The following RSRC1 variants were observed in gnomAD, a reference collection of about 807,000 sequenced individuals.
RSRC1 encodes serine/Arginine-related protein 53.
Under a neutral mutation model 49.1 loss-of-function variants are expected in RSRC1, and 39 were observed. The observed-to-expected ratio is 0.79, with a 90% confidence interval of 0.61 to 1.04. The LOEUF is 1.04. RSRC1 is among the 50% of genes least tolerant of loss of function. The pLI, the probability that RSRC1 is intolerant of heterozygous loss-of-function variation, is 0.00. For missense variants in RSRC1, 388 were observed against 402.4 expected, an observed-to-expected ratio of 0.96 and a Z score of 0.31; for synonymous variants, 143 against 130.8, an observed-to-expected ratio of 1.09 and a Z score of -0.63.
At chr3:158,214,452 A>AT (rs560905731) in intron 4 of RSRC1, among the ~76,000 whole-genome samples, 2 of 150,338 alleles carry the variant, frequency 1.3e-5, no homozygotes, top group Non-Finnish European at 3.0e-5. Flanking sequence ...GTTCTTTATT[A>AT]TTTTTTTTCT....
chr3:158,128,351 C>T (rs7647342), intron 3 of RSRC1, among the ~76,000 whole-genome samples: 108,251 of 152,118 alleles, frequency 0.71, 39,258 homozygotes, highest in African/African-American at 0.83. Flanking sequence ...TGCGCTTGCC[C>T]GGAGTACTGC....
At chr3:158,160,733 T>C (rs539561657) in intron 3 of RSRC1, among the ~76,000 whole-genome samples, 1 of 152,352 alleles carries the variant, frequency 6.6e-6, no homozygotes, top group South Asian at 2.1e-4. Context: ...TTGGAAATTT[T>C]CTTAAATAGC....
chr3:158,180,308 CT>C (rs906055566), intron 3 of RSRC1, among the ~76,000 whole-genome samples: 54 of 137,180 alleles, frequency 3.9e-4, no homozygotes, highest in African/African-American at 1.5e-3. Context: ...CTTTCTAGAA[CT>C]TTTATGGTTT....
chr3:158,491,625 T>C (rs1292208345), intron 7 of RSRC1, among the ~76,000 whole-genome samples: 7 of 151,900 alleles, frequency 4.6e-5, no homozygotes, highest in Non-Finnish European at 7.4e-5. Context: ...TTTAGTTAAA[T>C]TAAGTTAGCC....
intron 6 of RSRC1, among the ~76,000 whole-genome samples, chr3:158,390,421 C>A (rs1238982412): frequency 6.6e-6 from 1 of 151,976 alleles, no homozygotes; most frequent in Admixed American, 6.6e-5. Context: ...TATGTCCTGG[C>A]AGTTATATAT....
chr3:158,493,695 A>G (rs986111199), intron 7 of RSRC1, among the ~76,000 whole-genome samples: 1 of 152,202 alleles, frequency 6.6e-6, no homozygotes, highest in African/African-American at 2.4e-5. Flanking sequence ...TGAGGTACAG[A>G]AACAGCCTGA....
intron 5 of RSRC1, among the ~76,000 whole-genome samples, chr3:158,350,928 G>A (rs896061844): frequency 1.3e-5 from 2 of 152,086 alleles, no homozygotes; most frequent in Admixed American, 1.3e-4. Flanking sequence ...AAGCCAGCTA[G>A]TGTGATGATA....
At chr3:158,379,443 G>A (rs934719958) in intron 6 of RSRC1, among the ~76,000 whole-genome samples, 1 of 151,842 alleles carries the variant, frequency 6.6e-6, no homozygotes, top group Non-Finnish European at 1.5e-5. Flanking sequence ...CTCGTGATCC[G>A]CCTGCCTTGG....
At chr3:158,173,464 T>C (rs993765880) in intron 3 of RSRC1, among the ~76,000 whole-genome samples, 30 of 152,170 alleles carry the variant, frequency 2.0e-4, no homozygotes, top group African/African-American at 7.0e-4. Context: ...TCTTCTATTG[T>C]CTATAAAACC....
chr3:158,432,364 T>C (rs1250476426), intron 6 of RSRC1, among the ~76,000 whole-genome samples: 1 of 151,920 alleles, frequency 6.6e-6, no homozygotes, highest in African/African-American at 2.4e-5. Flanking sequence ...AGAAAGGCAG[T>C]CTTAATACAG....
At chr3:158,439,987 G>A (rs1306682114) in intron 6 of RSRC1, among the ~76,000 whole-genome samples, 2 of 151,774 alleles carry the variant, frequency 1.3e-5, no homozygotes, top group African/African-American at 4.8e-5. Context: ...GCAAGGGGAG[G>A]GAGAGCACTG....
intron 4 of RSRC1, among the ~76,000 whole-genome samples, chr3:158,218,128 T>C (rs928961208): frequency 6.6e-6 from 1 of 151,596 alleles, no homozygotes; most frequent in African/African-American, 2.4e-5. Context: ...ATGCAGGGCC[T>C]TGTAAACCTG....
intron 6 of RSRC1, among the ~76,000 whole-genome samples, chr3:158,427,314 G>A (rs1159035745): frequency 6.6e-6 from 1 of 151,734 alleles, no homozygotes; most frequent in African/African-American, 2.4e-5. Context: ...TTTTAGATGG[G>A]AAGATTCAAT....
At chr3:158,268,304 T>C (rs1725318896) in intron 4 of RSRC1, among the ~76,000 whole-genome samples, 1 of 152,212 alleles carries the variant, frequency 6.6e-6, no homozygotes, top group Non-Finnish European at 1.5e-5. Context: ...CTCTCTAATC[T>C]CTGGCTACTT....
chr3:158,172,381 T>C (rs1338778179), intron 3 of RSRC1, among the ~76,000 whole-genome samples: 1 of 152,176 alleles, frequency 6.6e-6, no homozygotes, highest in Non-Finnish European at 1.5e-5. Flanking sequence ...TACTCAGATA[T>C]GCATTAATAT....
rs150424708 is a variant in RSRC1, at chr3:158,544,266, T to C, written c.996T>C (p.Pro332=). Residue 332 remains proline, a synonymous_variant, in exon 10 of 10, where the codon CCT becomes CCC. Coordinates refer to ENST00000611884, the MANE Select transcript of RSRC1 (RefSeq NM_001271838.2). Reference sequence around the variant, plus strand: ...GACAAGAAAGACTAATGGGCAGTCCTGTGGCCTAAGTAATATACATATAGT... The same window carrying C: ...GACAAGAAAGACTAATGGGCAGTCCCGTGGCCTAAGTAATATACATATAGT... ...ALRQERLMGS[P]VA 5.6e-6 allele frequency: 9 copies of C among 1,606,060 alleles called. No individual in the cohort carries two copies. Among genetic ancestry groups the C allele is most frequent in the Non-Finnish European group, 7.7e-6 (9 of 1,173,712 alleles).
chr3:158,327,260 T>G (rs1729216387), intron 5 of RSRC1, among the ~76,000 whole-genome samples: 1 of 152,226 alleles, frequency 6.6e-6, no homozygotes, highest in Admixed American at 6.5e-5. Flanking sequence ...CTTGGTTATT[T>G]CTTGCTTTCT....
chr3:158,304,604 A>C lies in RSRC1; in HGVS notation c.531+6529A>C, dbSNP rs181340803. 2.2e-3 allele frequency among the ~76,000 whole-genome samples: 339 copies of C among 152,264 alleles called. 1 individual carries two copies. Among genetic ancestry groups the C allele is most frequent in the African/African-American group, 7.8e-3 (326 of 41,566 alleles). On this transcript the variant is annotated intron_variant, in intron 5 of 9. Transcript: ENST00000611884. ...TATTATCTCAAAATGCACTGATGTT[A>C]CCTATATACTCAATAAATTTATTAA...
intron 7 of RSRC1, among the ~76,000 whole-genome samples, chr3:158,524,984 C>A (rs1280744791): frequency 1.2e-4 from 18 of 152,004 alleles, no homozygotes; most frequent in African/African-American, 2.4e-5. Flanking sequence ...TATAGAACTT[C>A]TAGAAGAAAA....
Sources: gnomAD v4.1 joint callset for allele counts (sites outside exome capture counted in the v4.1 genomes callset) on GRCh38, gnomAD v4.1.1 for gene constraint, MANE v1.5 for transcripts, NCBI Gene and HGNC (gene_info 2026-07-23, HGNC 2026-07-21) for gene names.